The following SUGCT variants were observed in gnomAD, a reference collection of about 807,000 sequenced individuals.
SUGCT encodes the protein succinyl-CoA:glutarate CoA-transferase.
A neutral mutation model predicts 55.0 loss-of-function variants in SUGCT; 41 were observed. The ratio of observed to expected loss-of-function variants is 0.74; its 90% CI spans 0.58 to 0.97. The LOEUF is 0.97. SUGCT is among the 50% of genes least tolerant of loss of function. The pLI is 0.00. For missense variants in SUGCT, 568 were observed against 547.8 expected (o/e 1.04, Z -0.37); for synonymous variants, 187 against 200.4 (o/e 0.93, Z 0.56).
chr7:40,738,980 G>C (rs917467642), intron 12 of SUGCT, among the ~76,000 whole-genome samples: 26 of 152,010 alleles, frequency 1.7e-4, no homozygotes, highest in African/African-American at 6.0e-4. Context: ...AAATAAAATT[G>C]AGTCCCCTCT....
intron 12 of SUGCT, among the ~76,000 whole-genome samples, chr7:40,559,489 G>A (rs748937752): frequency 3.9e-5 from 6 of 152,202 alleles, no homozygotes; most frequent in Non-Finnish European, 7.3e-5. Flanking sequence ...TGTCCTACCT[G>A]TCCCATAGCC....
Position 40,458,781 on chromosome 7 carries a change from T to A in SUGCT, c.889-320T>A, listed in dbSNP as rs560635125. 6.6e-5 allele frequency among the ~76,000 whole-genome samples: 10 copies of A among 152,324 alleles called. No homozygotes were observed. The East Asian group carries it at 1.9e-3, about 29-fold the overall frequency. On this transcript the variant is annotated intron_variant, in intron 10 of 13. Transcript: ENST00000335693. The stretch of plus-strand genomic sequence containing the variant: ...CTCTCCCTATTTCCTCTAAACAAGA[T>A]TTTTTTCTGTGGGGATCTGCTAACA...
At chr7:40,179,265 A>C (rs1470395667) in intron 1 of SUGCT, among the ~76,000 whole-genome samples, 2 of 151,864 alleles carry the variant, frequency 1.3e-5, no homozygotes, top group African/African-American at 2.4e-5. Context: ...TTTTTTTCTC[A>C]AAGTTCTGTG....
chr7:40,767,382 C>A (rs1788860761), intron 13 of SUGCT, among the ~76,000 whole-genome samples: 1 of 152,182 alleles, frequency 6.6e-6, no homozygotes. Context: ...CTAACATTCC[C>A]AAACCTATCT....
chr7:40,397,748 A>G (rs1289548789), intron 9 of SUGCT, among the ~76,000 whole-genome samples: 1 of 152,090 alleles, frequency 6.6e-6, no homozygotes, highest in Admixed American at 6.6e-5. Flanking sequence ...AGGAGGAGAA[A>G]GAGCTTGCTG....
At chr7:41,035,393 TA>T in the SUGCT span, among the ~76,000 whole-genome samples, 6 of 152,088 alleles carry the variant, frequency 3.9e-5, no homozygotes, top group African/African-American at 1.4e-4. Flanking sequence ...CATCCTGAAA[TA>T]ACATGCAAAA....
At chr7:40,373,433 T>C (rs1784398338) in intron 9 of SUGCT, among the ~76,000 whole-genome samples, 1 of 120,040 alleles carries the variant, frequency 8.3e-6, no homozygotes, top group African/African-American at 3.2e-5. Context: ...ATTTTATTTT[T>C]GAACAGCATT....
chr7:40,171,686 A>G (rs1003263276), intron 1 of SUGCT, among the ~76,000 whole-genome samples: 4 of 152,188 alleles, frequency 2.6e-5, no homozygotes, highest in Non-Finnish European at 5.9e-5. Context: ...TTACTTTTCT[A>G]CTGCTGCTAA....
intron 1 of SUGCT, among the ~76,000 whole-genome samples, chr7:40,164,929 A>G (rs986089736): frequency 6.6e-6 from 1 of 152,216 alleles, no homozygotes; most frequent in Admixed American, 6.5e-5. Context: ...AATGTCTTCC[A>G]GTGGATACTA....
chr7:40,503,360 T>TA (rs1017332371), intron 12 of SUGCT, among the ~76,000 whole-genome samples: 4 of 152,050 alleles, frequency 2.6e-5, no homozygotes, highest in African/African-American at 9.7e-5. Flanking sequence ...AAGTCTACCA[T>TA]AAAAAACATG....
At chr7:40,965,323 T>C in the SUGCT span, 4 of 152,228 alleles carry the variant, frequency 2.6e-5, no homozygotes, top group East Asian at 3.8e-4. Flanking sequence ...AATTTAACTA[T>C]GTTTGCAGCA....
chr7:40,194,602 T>C (rs570831657), intron 5 of SUGCT, among the ~76,000 whole-genome samples: 16 of 152,346 alleles, frequency 1.1e-4, no homozygotes, highest in Admixed American at 2.6e-4. Flanking sequence ...AAAATGTTTT[T>C]CATTGATTTA....
intron 9 of SUGCT, among the ~76,000 whole-genome samples, chr7:40,363,994 G>T (rs969197025): frequency 5.3e-5 from 8 of 151,978 alleles, no homozygotes; most frequent in African/African-American, 1.7e-4. Flanking sequence ...GAATCTGGGT[G>T]CTCCTGTATT....
chr7:40,172,010 CCT>C (rs1450117761), intron 1 of SUGCT, among the ~76,000 whole-genome samples: 1 of 151,570 alleles, frequency 6.6e-6, no homozygotes, highest in Non-Finnish European at 1.5e-5. Context: ...TCTCTCTTTC[CCT>C]CTCTCTCTTT....
chr7:40,619,464 A>G (rs1456112559), intron 12 of SUGCT, among the ~76,000 whole-genome samples: 1 of 152,162 alleles, frequency 6.6e-6, no homozygotes, highest in African/African-American at 2.4e-5. Flanking sequence ...TAGAGTACTC[A>G]CAGTTTTTAT....
In SUGCT at chr7:40,377,171, TTTC is replaced by T. The variant is rs1562728347; in HGVS notation, c.816+60319_816+60321del. 3.6e-3 allele frequency among the ~76,000 whole-genome samples: 60 copies of T among 16,490 alleles called. 17 individuals carry two copies. Among genetic ancestry groups the T allele is most frequent in the East Asian group, 0.031 (29 of 942 alleles). The allele number at this position is 16,490 out of a possible 152,430, so 10.8% of individuals were successfully genotyped here. On this transcript the variant is annotated intron_variant, in intron 9 of 13. Transcript: ENST00000335693. ...CTTTCTTTCTTTCTTTCTTTCTTTC[TTTC>T]TTTCTTTCTTTCTTTCTTTCTTTCT...
intron 12 of SUGCT, among the ~76,000 whole-genome samples, chr7:40,587,073 C>T (rs560286362): frequency 1.6e-4 from 24 of 152,272 alleles, no homozygotes; most frequent in Non-Finnish European, 2.9e-5. Flanking sequence ...ATTTGTATGA[C>T]GTTCTAGAAA....
chr7:41,003,257 G>A, the SUGCT span, among the ~76,000 whole-genome samples: 2 of 152,134 alleles, frequency 1.3e-5, no homozygotes, highest in African/African-American at 4.8e-5. Context: ...CAAAGAGCAA[G>A]CTTGTTCCAT....
chr7:40,793,053 C>CAT (rs1252786073), intron 13 of SUGCT: 1 of 152,114 alleles, frequency 6.6e-6, no homozygotes, highest in African/African-American at 2.4e-5. Context: ...ATACAACATT[C>CAT]ATATATGCCT....
Sources: allele counts gnomAD v4.1 joint callset (sites outside exome capture counted in the v4.1 genomes callset), GRCh38; gene constraint gnomAD v4.1.1; transcripts MANE v1.5; gene names NCBI Gene and HGNC (gene_info 2026-07-23, HGNC 2026-07-21).